DOCK9: variants seen among roughly 807,000 people sequenced by gnomAD.
DOCK9 encodes dedicator of cytokinesis 9, also known as dedicator of cytokinesis protein 9.
DOCK9 carries 89 observed loss-of-function variants against 263.3 expected under a neutral mutation model. The ratio of observed to expected loss-of-function variants is 0.34; its 90% confidence interval spans 0.28 to 0.40. The LOEUF (loss-of-function observed/expected upper bound fraction) is 0.40. Ranked by LOEUF, DOCK9 falls within the 10% of genes least tolerant of loss-of-function variation. The pLI is 1.00. For missense variants in DOCK9, 2,140 were observed against 2,603.4 expected (o/e 0.82, Z 3.87); for synonymous variants, 976 against 973.1 (o/e 1.00, Z -0.06).
intron 45 of DOCK9, among the ~76,000 whole-genome samples, chr13:98,814,448 C>G (rs1019160178): frequency 2.7e-5 from 4 of 150,620 alleles, no homozygotes; most frequent in African/African-American, 9.7e-5. Context: ...TTCTGTCGCC[C>G]AGACTGGAGT....
chr13:98,861,899 C>T (rs2093881658), intron 32 of DOCK9, among the ~76,000 whole-genome samples: 1 of 152,188 alleles, frequency 6.6e-6, no homozygotes, highest in South Asian at 2.1e-4. Context: ...GATGTCCAGT[C>T]TCACTTCTAA....
rs990459274 is a variant in DOCK9 at position 98,809,682 on chromosome 13, T to C, written c.5254-217A>G. Among the ~76,000 whole-genome samples the C allele has an allele frequency of 2.0e-5, 3 of 152,306 alleles. No homozygotes were observed. In the East Asian group the frequency reaches 5.8e-4, roughly 29 times the overall value. Reference sequence around the variant, plus strand: ...GTGAGGACCCATCACATTTCCACATTAGAGTAAGCAAACTCTGTTTTCAAG... The same window carrying C: ...GTGAGGACCCATCACATTTCCACATCAGAGTAAGCAAACTCTGTTTTCAAG... On this transcript the variant is annotated intron_variant, in intron 46 of 52. Coordinates refer to ENST00000682017, the MANE Select transcript of DOCK9 (RefSeq NM_001366683.2).
rs2093940493 is a variant in DOCK9, at chr13:98,863,686, T to C, written c.3287-138A>G. Reference sequence around the variant, plus strand: ...CCTGGGTGTCAAGAGATGATCAGACTTGGCTTCAAATGAGAAAGAATCAAT... The same window carrying C: ...CCTGGGTGTCAAGAGATGATCAGACCTGGCTTCAAATGAGAAAGAATCAAT... On this transcript the variant is annotated intron_variant, in intron 30 of 52. Transcript: ENST00000682017. The C allele has an allele frequency of 6.8e-6, 6 of 878,580 alleles. 1 individual carries two copies. The highest frequency in any genetic ancestry group is 1.0e-5 in the Non-Finnish European group (6 of 585,566). The allele number at this position is 878,580 out of a possible 1,614,324, so 54.4% of individuals were successfully genotyped here. A position where few individuals can be genotyped will look rare whatever the true frequency, so the allele number is the denominator to read the frequency against.
intron 18 of DOCK9, among the ~76,000 whole-genome samples, chr13:98,887,643 G>T (rs2045985384): frequency 1.3e-5 from 1 of 79,958 alleles, no homozygotes; most frequent in African/African-American, 4.4e-5. Flanking sequence ...AAAAAAAAAG[G>T]ATAATAATAA....
chr13:99,005,451 C>T (rs562103657), intron 1 of DOCK9, among the ~76,000 whole-genome samples: 1 of 151,836 alleles, frequency 6.6e-6, no homozygotes, highest in African/African-American at 2.4e-5. Context: ...GCACAGAGAA[C>T]ACTAAAGAAA....
chr13:98,985,682 C>T (rs1389514590), intron 1 of DOCK9, among the ~76,000 whole-genome samples: 1 of 152,194 alleles, frequency 6.6e-6, no homozygotes, highest in Non-Finnish European at 1.5e-5. Context: ...CCAAGAGAAA[C>T]ATAATGTGCC....
intron 32 of DOCK9, among the ~76,000 whole-genome samples, chr13:98,862,135 AC>A (rs1290018541): frequency 3.3e-5 from 5 of 152,164 alleles, no homozygotes; most frequent in Non-Finnish European, 7.3e-5. Flanking sequence ...TGGTTTTCAT[AC>A]TTATTTTTTA....
rs572175719 is a variant in DOCK9 at position 98,925,996 on chromosome 13, G to T, written c.334-77C>A. On this transcript the variant is annotated intron_variant, in intron 3 of 52. Transcript: ENST00000682017. ...TTTTGGAAAACACTTGGGAAAGTTT[G>T]TGAAGGCATACCCATAGAAACATCA... is the stretch of plus-strand genomic sequence containing the variant. The T allele has an allele frequency of 6.5e-5, 81 of 1,252,524 alleles. No individual in the cohort carries two copies. The African/African-American group carries it at 1.1e-3, about 17-fold the overall frequency. 77.6% of individuals were successfully genotyped at this position (1,252,524 alleles called of 1,614,324 possible). A position where few individuals can be genotyped will look rare whatever the true frequency, so the allele number is the denominator to read the frequency against.
rs1376494376 is a variant in DOCK9, at chr13:98,867,983, A to C, written c.3119T>G (p.Phe1040Cys). 5 of 1,613,764 alleles carry C rather than the reference A, an allele frequency of 3.1e-6. No individual in the cohort carries two copies. In the East Asian group the frequency reaches 1.1e-4, roughly 36 times the overall value. ...KRCFTFMDRG[F>C]VFKQINNYIS... ...GTAGTTGTTGATCTGCTTGAAGACA[A>C]AGCCCCTGTCCATGAAGGTGAAACA... Residue 1040 changes from phenylalanine (F) to cysteine (C), a missense_variant, in exon 29 of 53, where the codon TTT (phenylalanine) becomes TGT (cysteine). This residue lies in a region of DOCK9 where 1,521 missense variants were observed against 1,741.7 expected (regional missense o/e 0.87). Coordinates refer to ENST00000682017, the MANE Select transcript of DOCK9 (RefSeq NM_001366683.2).
chr13:98,902,247 G>C, intron 12 of DOCK9, 41 bp downstream of exon 12: 1 of 1,601,292 alleles, frequency 6.2e-7, no homozygotes, highest in South Asian at 1.1e-5. Flanking sequence ...AGCATGCAAA[G>C]TGAGTCTGAG....
At chr13:99,011,148 C>A (rs559900887) in intron 1 of DOCK9, among the ~76,000 whole-genome samples, 8 of 152,002 alleles carry the variant, frequency 5.3e-5, no homozygotes, top group African/African-American at 1.9e-4. Flanking sequence ...CCACCCACTT[C>A]GGCCTCCCAA....
chr13:98,942,396 G>A (rs1029458430), intron 2 of DOCK9, among the ~76,000 whole-genome samples: 4 of 151,774 alleles, frequency 2.6e-5, no homozygotes, highest in South Asian at 2.1e-4. Context: ...CCGCCACCAC[G>A]CCCGGCTAAT....
intron 1 of DOCK9, among the ~76,000 whole-genome samples, chr13:99,079,808 A>G (rs559187484): frequency 6.6e-6 from 1 of 152,148 alleles, no homozygotes; most frequent in Non-Finnish European, 1.5e-5. Flanking sequence ...GGGATGCCGA[A>G]GTGGGTGAAT....
chr13:98,800,601 C>G, intron 49 of DOCK9, 123 bp from the exon 50 acceptor site: 1 of 1,214,444 alleles, frequency 8.2e-7, no homozygotes, highest in Non-Finnish European at 1.1e-6. Context: ...AAATAAGGAA[C>G]CCAAAGCTTG....
chr13:99,076,729 T>C (rs1057279008), intron 1 of DOCK9, among the ~76,000 whole-genome samples: 1 of 152,138 alleles, frequency 6.6e-6, no homozygotes, highest in Admixed American at 6.5e-5. Flanking sequence ...GAGTCAGATG[T>C]AGCATCTTCA....
chr13:99,079,809 G>A (rs2042055977), intron 1 of DOCK9, among the ~76,000 whole-genome samples: 1 of 152,202 alleles, frequency 6.6e-6, no homozygotes, highest in Admixed American at 6.5e-5. Flanking sequence ...GGATGCCGAA[G>A]TGGGTGAATC....
chr13:98,949,913 A>G (rs2057204092), intron 2 of DOCK9: 1 of 474,874 alleles, frequency 2.1e-6, no homozygotes, highest in Non-Finnish European at 4.1e-6. Context: ...AAATGACACC[A>G]AACTCCCCCA....
intron 1 of DOCK9, among the ~76,000 whole-genome samples, chr13:99,082,323 G>A (rs2042152914): frequency 3.3e-5 from 5 of 151,962 alleles, no homozygotes; most frequent in Admixed American, 2.0e-4. Context: ...TTCAAAACCA[G>A]CCTGGCCAAA....
At chr13:99,053,498 T>G (rs908408744) in intron 1 of DOCK9, among the ~76,000 whole-genome samples, 6 of 152,352 alleles carry the variant, frequency 3.9e-5, no homozygotes, top group African/African-American at 1.4e-4. Flanking sequence ...GTAATTGAAT[T>G]AAATTGCTTT....
Sources: allele counts gnomAD v4.1 joint callset (sites outside exome capture counted in the v4.1 genomes callset), GRCh38; gene constraint gnomAD v4.1.1; regional missense constraint gnomAD v4.1.1; transcripts MANE v1.5; gene names NCBI Gene and HGNC (gene_info 2026-07-23, HGNC 2026-07-21).